FGF13: variants seen among roughly 807,000 people sequenced by gnomAD.
The protein encoded by FGF13 is fibroblast growth factor 13.
Under a neutral mutation model 19.5 loss-of-function variants are expected in FGF13, and 2 were observed. The ratio of observed to expected loss-of-function variants is 0.10; its 90% CI spans 0.04 to 0.32. FGF13 has a LOEUF of 0.32. Among genes scored for constraint, FGF13 ranks in the 10% least tolerant of loss-of-function variants. The pLI is 1.00. For synonymous variants in FGF13, 72 were observed against 76.9 expected (o/e 0.94, Z 0.33); for missense variants, 113 against 192.7 (o/e 0.59, Z 2.45).
At chrX:139,188,367 T>C (rs6635779) in intron 1 of FGF13, among the ~76,000 whole-genome samples, 54,121 of 111,222 alleles carry the variant, frequency 0.49, 11,201 homozygotes, top group African/African-American at 0.82. Flanking sequence ...TTATTACAAA[T>C]GACAATCCCT....
chrX:138,902,733 T>C (rs747212965), intron 1 of FGF13, among the ~76,000 whole-genome samples: 1 of 111,932 alleles, frequency 8.9e-6, no homozygotes, highest in Non-Finnish European at 1.9e-5. Flanking sequence ...TGGGTAATGG[T>C]TTTTTGAAAT....
At chrX:138,879,539 G>C (rs1224081842) in intron 1 of FGF13, among the ~76,000 whole-genome samples, 4 of 109,806 alleles carry the variant, frequency 3.6e-5, no homozygotes, top group Non-Finnish European at 7.6e-5. Context: ...ATTAAGTTCG[G>C]GGGTACATGT....
chrX:138,644,795 TAAAA>T (rs2089289013), intron 3 of FGF13, among the ~76,000 whole-genome samples: 2 of 111,924 alleles, frequency 1.8e-5, no homozygotes, highest in South Asian at 7.4e-4. Flanking sequence ...CTGCAAAACA[TAAAA>T]GCTGGTGTCA....
At chrX:138,746,299 T>C (rs2090355399) in intron 3 of FGF13, among the ~76,000 whole-genome samples, 1 of 109,698 alleles carries the variant, frequency 9.1e-6, no homozygotes, top group Non-Finnish European at 1.9e-5. Context: ...GAAGATAGGA[T>C]ATAGGGAGCT....
intron 1 of FGF13, among the ~76,000 whole-genome samples, chrX:138,991,326 G>T (rs2092014855): frequency 8.9e-6 from 1 of 112,195 alleles, no homozygotes; most frequent in Admixed American, 9.4e-5. Flanking sequence ...ATAAATGGTT[G>T]TTATTGCTCT....
intron 3 of FGF13, among the ~76,000 whole-genome samples, chrX:138,835,239 T>C (rs997381961): frequency 9.0e-6 from 1 of 111,697 alleles, no homozygotes; most frequent in Non-Finnish European, 1.9e-5. Flanking sequence ...GATCTAATGT[T>C]GTCAGTGGGT....
chrX:139,152,629 T>C (rs893073409), intron 1 of FGF13, among the ~76,000 whole-genome samples: 2 of 110,953 alleles, frequency 1.8e-5, no homozygotes, highest in Non-Finnish European at 3.8e-5. Flanking sequence ...TCTGAATGCC[T>C]ACTCCATGCC....
chrX:139,010,722 A>G (rs1174374724), intron 1 of FGF13, among the ~76,000 whole-genome samples: 1 of 111,608 alleles, frequency 9.0e-6, no homozygotes, highest in African/African-American at 3.3e-5. Context: ...ACAAACAGAC[A>G]ATCTAAGGTC....
At chrX:138,847,912 C>G (rs1337978955) in intron 3 of FGF13, among the ~76,000 whole-genome samples, 1 of 111,613 alleles carries the variant, frequency 9.0e-6, no homozygotes, top group African/African-American at 3.3e-5. Flanking sequence ...TCAAGCTTTG[C>G]AATCTTACTC....
At chrX:139,071,877 G>A (rs756402782) in intron 1 of FGF13, among the ~76,000 whole-genome samples, 127 of 107,682 alleles carry the variant, frequency 1.2e-3, no homozygotes, top group Non-Finnish European at 2.0e-3. Context: ...TTAGCTGGGC[G>A]CAGTGACAGG....
intron 3 of FGF13, among the ~76,000 whole-genome samples, chrX:138,782,520 C>T (rs1433411277): frequency 7.3e-5 from 8 of 109,504 alleles, no homozygotes; most frequent in African/African-American, 2.7e-4. Flanking sequence ...ACAACAACAA[C>T]AGACAAACAG....
intron 1 of FGF13, among the ~76,000 whole-genome samples, chrX:138,927,491 C>T (rs1389320906): frequency 1.8e-5 from 2 of 112,275 alleles, no homozygotes; most frequent in Admixed American, 1.9e-4. Flanking sequence ...ATGCATTTAA[C>T]AGTATCATTG....
intron 2 of FGF13, among the ~76,000 whole-genome samples, chrX:138,859,549 A>T (rs994547353): frequency 8.9e-6 from 1 of 112,767 alleles, no homozygotes; most frequent in Non-Finnish European, 1.9e-5. Flanking sequence ...GCTCAGTACC[A>T]ACAATGATGT....
intron 3 of FGF13, among the ~76,000 whole-genome samples, chrX:138,691,183 TAGGCTCTATCTTCCTC>T (rs760978521): frequency 8.9e-6 from 1 of 111,778 alleles, no homozygotes; most frequent in African/African-American, 3.2e-5. Flanking sequence ...AGGTCTCCCA[TAGGCTCTATCTTCCTC>T]AGTGAAAATA....
chrX:138,694,611 C>T (rs771923293), intron 3 of FGF13, among the ~76,000 whole-genome samples: 13 of 106,708 alleles, frequency 1.2e-4, no homozygotes, highest in East Asian at 2.9e-4. Flanking sequence ...CCACCAAGCC[C>T]GGCTAATTTT....
chrX:138,678,795 C>T (rs1480632457), intron 3 of FGF13, among the ~76,000 whole-genome samples: 1 of 112,059 alleles, frequency 8.9e-6, no homozygotes, highest in Admixed American at 9.5e-5. Flanking sequence ...GGGAACAAAG[C>T]ACTCACAAGA....
intron 1 of FGF13, among the ~76,000 whole-genome samples, chrX:139,097,844 G>A (rs760031120): frequency 2.7e-4 from 30 of 111,830 alleles, no homozygotes; most frequent in Non-Finnish European, 5.1e-4. Flanking sequence ...TGACTATATA[G>A]AATAAAAGAA....
At chrX:139,124,802 C>A (rs1204684326) in intron 1 of FGF13, among the ~76,000 whole-genome samples, 1 of 112,040 alleles carries the variant, frequency 8.9e-6, no homozygotes, top group African/African-American at 3.2e-5. Flanking sequence ...TTAACATAAT[C>A]AAGTAAGAAA....
chrX:138,790,665 G>T (rs984654636), intron 3 of FGF13, among the ~76,000 whole-genome samples: 1 of 111,680 alleles, frequency 9.0e-6, no homozygotes, highest in Admixed American at 9.6e-5. Flanking sequence ...TAAAATGTCT[G>T]CCTCTAATCC....
Sources: allele counts gnomAD v4.1 joint callset (sites outside exome capture counted in the v4.1 genomes callset), GRCh38; gene constraint gnomAD v4.1.1; transcripts MANE v1.5; gene names NCBI Gene and HGNC (gene_info 2026-07-23, HGNC 2026-07-21).